The following TAFA1 variants were observed in gnomAD, a reference collection of about 807,000 sequenced individuals.
TAFA1 encodes the protein TAFA chemokine like family member 1.
A neutral mutation model predicts 18.5 loss-of-function variants in TAFA1; 4 were observed. The ratio of observed to expected loss-of-function variants is 0.22; its 90% CI spans 0.11 to 0.49. TAFA1 has a LOEUF of 0.49. Among genes scored for constraint, TAFA1 ranks in the 20% least tolerant of loss-of-function variants. The pLI, the probability that TAFA1 is intolerant of heterozygous loss-of-function variation, is 0.98. For synonymous variants in TAFA1, 56 were observed against 55.2 expected, an observed-to-expected ratio of 1.01 and a Z score of -0.06; for missense variants, 147 against 169.0, an observed-to-expected ratio of 0.87 and a Z score of 0.72.
intron 2 of TAFA1, among the ~76,000 whole-genome samples, chr3:68,222,768 G>A (rs200567136): frequency 2.0e-5 from 3 of 151,886 alleles, no homozygotes; most frequent in Non-Finnish European, 4.4e-5. Flanking sequence ...TGGCTCACAG[G>A]TTCAAGCGAT....
intron 2 of TAFA1, among the ~76,000 whole-genome samples, chr3:68,179,479 T>A (rs73834875): frequency 3.9e-5 from 6 of 152,206 alleles, no homozygotes; most frequent in Admixed American, 3.9e-4. Flanking sequence ...TTAACATTGG[T>A]CTGCATTTTT....
At chr3:68,467,432 A>T (rs546723538) in intron 3 of TAFA1, among the ~76,000 whole-genome samples, 8 of 152,234 alleles carry the variant, frequency 5.3e-5, no homozygotes, top group Non-Finnish European at 1.0e-4. Context: ...TTCCCACAAC[A>T]ATGGTTACGG....
rs2069165266 is a variant in TAFA1 at position 68,346,446 on chromosome 3, G to A, written c.119-70834G>A. Reference sequence around the variant, plus strand: ...GTGCTGACATTACAGGCAATCTTGTGTTAATATTCAGGAGCAGATGTGCTT... The same window carrying A: ...GTGCTGACATTACAGGCAATCTTGTATTAATATTCAGGAGCAGATGTGCTT... On this transcript the variant is annotated intron_variant, in intron 2 of 4. Coordinates refer to ENST00000478136, the MANE Select transcript of TAFA1 (RefSeq NM_213609.4). Among the ~76,000 whole-genome samples, 6 of 152,214 alleles carry A rather than the reference G, an allele frequency of 3.9e-5. No homozygotes were observed. In the South Asian group the frequency reaches 1.2e-3, roughly 32 times the overall value.
intron 3 of TAFA1, among the ~76,000 whole-genome samples, chr3:68,503,792 T>C (rs1190713480): frequency 4.6e-5 from 7 of 152,142 alleles, no homozygotes; most frequent in African/African-American, 1.2e-4. Flanking sequence ...CATTTTCTAA[T>C]AATATTTTGG....
chr3:68,523,894 A>G (rs999558732), intron 3 of TAFA1, among the ~76,000 whole-genome samples: 3 of 152,124 alleles, frequency 2.0e-5, no homozygotes, highest in African/African-American at 4.8e-5. Flanking sequence ...TCAGTCTCAT[A>G]CCATCTTCCT....
At chr3:68,055,531 G>C (rs1218555652) in intron 2 of TAFA1, among the ~76,000 whole-genome samples, 2 of 152,080 alleles carry the variant, frequency 1.3e-5, no homozygotes, top group Non-Finnish European at 2.9e-5. Flanking sequence ...TCTTGAAGCA[G>C]AGTAAGTGCT....
intron 2 of TAFA1, among the ~76,000 whole-genome samples, chr3:68,351,306 G>C (rs1402869888): frequency 6.6e-6 from 1 of 152,028 alleles, no homozygotes; most frequent in Non-Finnish European, 1.5e-5. Context: ...AATTCATTGA[G>C]CCTAGGATAG....
At chr3:68,358,051 G>T (rs548795047) in intron 2 of TAFA1, among the ~76,000 whole-genome samples, 1 of 151,754 alleles carries the variant, frequency 6.6e-6, no homozygotes, top group Non-Finnish European at 1.5e-5. Flanking sequence ...AGATTGTTTT[G>T]GTAGTATTTT....
chr3:67,998,029 A>G, the TAFA1 span, among the ~76,000 whole-genome samples: 1 of 151,484 alleles, frequency 6.6e-6, no homozygotes, highest in East Asian at 1.9e-4. Flanking sequence ...CATAAAACAT[A>G]AAAAACATAT....
chr3:68,105,221 T>G (rs144462412), intron 2 of TAFA1, among the ~76,000 whole-genome samples: 1 of 152,062 alleles, frequency 6.6e-6, no homozygotes, highest in East Asian at 1.9e-4. Flanking sequence ...ACCTCCAACA[T>G]TGGGGATCAC....
chr3:68,426,203 T>C (rs17831048), intron 3 of TAFA1, among the ~76,000 whole-genome samples: 43,932 of 151,662 alleles, frequency 0.29, 6,606 homozygotes, highest in Admixed American at 0.34. Context: ...AATTAAAAAT[T>C]TTTACAAAAG....
At position 68,161,122 on chromosome 3, in the gene TAFA1, A is replaced by G. The variant is rs768288752; in HGVS notation, c.118+154378A>G. Reference sequence around the variant, plus strand: ...ATGATAATACTTTGATGTCAACACAATCTAAGTTAGGAAGCTACAAAAACA... The same window carrying G: ...ATGATAATACTTTGATGTCAACACAGTCTAAGTTAGGAAGCTACAAAAACA... On this transcript the variant is annotated intron_variant, in intron 2 of 4. Transcript: ENST00000478136. Among the ~76,000 whole-genome samples the G allele has an allele frequency of 1.3e-4, 20 of 152,186 alleles. 1 individual carries two copies. The highest frequency in any genetic ancestry group is 2.1e-4 in the Non-Finnish European group (14 of 68,026).
At chr3:68,132,229 ATAG>A (rs1308830558) in intron 2 of TAFA1, among the ~76,000 whole-genome samples, 1 of 152,184 alleles carries the variant, frequency 6.6e-6, no homozygotes, top group East Asian at 1.9e-4. Context: ...TTATGGCTGC[ATAG>A]TATTCCGTGG....
At chr3:68,417,069 A>G (rs1254967201) in intron 2 of TAFA1, among the ~76,000 whole-genome samples, 1 of 152,172 alleles carries the variant, frequency 6.6e-6, no homozygotes, top group East Asian at 1.9e-4. Flanking sequence ...CTTGAGGGCT[A>G]TCCATTGGTA....
chr3:68,508,767 T>A (rs1272660079), intron 3 of TAFA1, among the ~76,000 whole-genome samples: 4 of 151,918 alleles, frequency 2.6e-5, no homozygotes, highest in African/African-American at 9.7e-5. Context: ...TAGATTAAGG[T>A]AGATTCGTAG....
chr3:68,294,588 A>C (rs1250446944), intron 2 of TAFA1, among the ~76,000 whole-genome samples: 1 of 152,220 alleles, frequency 6.6e-6, no homozygotes, highest in Admixed American at 6.5e-5. Context: ...AATAAGATTA[A>C]AAATTCAGCT....
At chr3:68,026,670 C>T (rs986046714) in intron 2 of TAFA1, among the ~76,000 whole-genome samples, 4 of 152,056 alleles carry the variant, frequency 2.6e-5, no homozygotes, top group Non-Finnish European at 5.9e-5. Context: ...CAATGTCTCA[C>T]AGCTAGTAAA....
intron 3 of TAFA1, among the ~76,000 whole-genome samples, chr3:68,479,335 A>G (rs1266024924): frequency 6.6e-6 from 1 of 151,558 alleles, no homozygotes; most frequent in Admixed American, 6.6e-5. Flanking sequence ...ATATGTGAAT[A>G]CACATATTTC....
chr3:68,439,543 A>G (rs544205198), intron 3 of TAFA1, among the ~76,000 whole-genome samples: 3 of 150,872 alleles, frequency 2.0e-5, no homozygotes, highest in Non-Finnish European at 4.4e-5. Flanking sequence ...CCCAAAGCTG[A>G]AGAACTTGGA....
Sources: allele counts gnomAD v4.1 joint callset (sites outside exome capture counted in the v4.1 genomes callset), GRCh38; gene constraint gnomAD v4.1.1; transcripts MANE v1.5; gene names NCBI Gene and HGNC (gene_info 2026-07-23, HGNC 2026-07-21).